The following SELENOF variants were observed in gnomAD, a reference collection of about 807,000 sequenced individuals.
SELENOF encodes 15 kDa selenoprotein.
Under a neutral mutation model 20.5 loss-of-function variants are expected in SELENOF, and 16 were observed. The ratio of observed to expected loss-of-function variants is 0.78; its 90% CI spans 0.53 to 1.19. The LOEUF (loss-of-function observed/expected upper bound fraction) is 1.19, where lower values mean the gene tolerates loss of function less well. Ranked by LOEUF, SELENOF falls within the 50% of genes most tolerant of loss-of-function variation. The pLI is 0.00. For synonymous variants in SELENOF, 78 were observed against 74.5 expected, an observed-to-expected ratio of 1.05 and a Z score of -0.24; for missense variants, 215 against 194.2, an observed-to-expected ratio of 1.11 and a Z score of -0.64.
Position 86,863,030 on chromosome 1 carries a change from G to C in SELENOF, c.*444C>G, listed in dbSNP as rs1468620750. 2 of 153,154 alleles carry C rather than the reference G, an allele frequency of 1.3e-5. No homozygotes were observed. The highest frequency in any genetic ancestry group is 1.3e-4 in the Admixed American group (2 of 15,306). 9.5% of individuals were successfully genotyped at this position (153,154 alleles called of 1,614,324 possible). Reference sequence around the variant, plus strand: ...GTAATACAAAAATAGGAGAGACTCTGAGGAGCAGGCAATCTGTTGAGGCTC... The same window carrying C: ...GTAATACAAAAATAGGAGAGACTCTCAGGAGCAGGCAATCTGTTGAGGCTC... On this transcript the variant is annotated 3_prime_UTR_variant, in exon 5 of 5. Transcript: ENST00000331835.
chr1:86,895,455 G>C (rs545068762), intron 2 of SELENOF, among the ~76,000 whole-genome samples: 1 of 152,160 alleles, frequency 6.6e-6, no homozygotes, highest in Non-Finnish European at 1.5e-5. Flanking sequence ...ATTTTAAGCA[G>C]TGCATGCATA....
chr1:86,871,679 T>G (rs1037081607), intron 3 of SELENOF, among the ~76,000 whole-genome samples: 1 of 152,168 alleles, frequency 6.6e-6, no homozygotes, highest in African/African-American at 2.4e-5. Context: ...TGTATTTAAT[T>G]TCTCAATGTA....
chr1:86,907,986 C>CA (rs1415012719), intron 1 of SELENOF, among the ~76,000 whole-genome samples: 115 of 106,238 alleles, frequency 1.1e-3, no homozygotes, highest in East Asian at 2.0e-3. Flanking sequence ...ATCGCCATCT[C>CA]AAAAAAAAAA....
intron 2 of SELENOF, among the ~76,000 whole-genome samples, chr1:86,898,252 G>A (rs560930495): frequency 1.3e-5 from 2 of 152,272 alleles, no homozygotes; most frequent in Non-Finnish European, 2.9e-5. Context: ...TATTTGAGAC[G>A]CTGAGTAGGT....
intron 2 of SELENOF, among the ~76,000 whole-genome samples, chr1:86,893,103 C>A (rs1007944533): frequency 6.6e-6 from 1 of 152,086 alleles, no homozygotes; most frequent in Non-Finnish European, 1.5e-5. Flanking sequence ...GCAGATTATA[C>A]CCTAGTTTCC....
chr1:86,862,622 T>C lies in SELENOF; in HGVS notation c.*852A>G, dbSNP rs1389908748. On this transcript the variant is annotated 3_prime_UTR_variant, in exon 5 of 5. Transcript: ENST00000331835. ...TAAGTTTTAAATATTACAGCCATTT[T>C]TACATTTTGGCTAAAAAAAGGGCTT... is the stretch of plus-strand genomic sequence containing the variant. The C allele has an allele frequency of 6.6e-6, 1 of 152,178 alleles. No individual in the cohort carries two copies. The highest frequency in any genetic ancestry group is 2.1e-4 in the South Asian group (1 of 4,826). The allele number at this position is 152,178 out of a possible 1,614,324, so 9.4% of individuals were successfully genotyped here.
chr1:86,876,949 T>C (rs1658937177), intron 3 of SELENOF, among the ~76,000 whole-genome samples: 2 of 152,196 alleles, frequency 1.3e-5, no homozygotes, highest in African/African-American at 4.8e-5. Flanking sequence ...GAATATTGCA[T>C]ATGAGAAAGG....
chr1:86,880,308 G>C (rs909010667), intron 3 of SELENOF, among the ~76,000 whole-genome samples: 1 of 151,936 alleles, frequency 6.6e-6, no homozygotes, highest in African/African-American at 2.4e-5. Flanking sequence ...GCTAATTTTT[G>C]TATTTTTAGT....
At chr1:86,889,516 C>T (rs1262657125) in intron 2 of SELENOF, among the ~76,000 whole-genome samples, 1 of 152,132 alleles carries the variant, frequency 6.6e-6, no homozygotes, top group Admixed American at 6.5e-5. Context: ...ATCACTTGAA[C>T]CTAGGAGGTG....
At chr1:86,866,532 T>C (rs1301671573) in intron 4 of SELENOF, among the ~76,000 whole-genome samples, 4 of 152,192 alleles carry the variant, frequency 2.6e-5, no homozygotes, top group East Asian at 1.9e-4. Flanking sequence ...GAAAAAGTTA[T>C]AGAGAACTGT....
intron 1 of SELENOF, among the ~76,000 whole-genome samples, chr1:86,904,991 C>G (rs1297232856): frequency 6.6e-6 from 1 of 152,178 alleles, no homozygotes; most frequent in Non-Finnish European, 1.5e-5. Context: ...AGCCAACAGT[C>G]CACTCAATAT....
chr1:86,878,722 AAGTT>A (rs1233503982), intron 3 of SELENOF, among the ~76,000 whole-genome samples: 1 of 152,120 alleles, frequency 6.6e-6, no homozygotes, highest in Admixed American at 6.6e-5. Context: ...GAAGACATGA[AAGTT>A]AGTTTGGTAT....
intron 1 of SELENOF, 132 bp downstream of exon 1, chr1:86,913,896 T>C: frequency 1.2e-6 from 1 of 804,406 alleles, no homozygotes; most frequent in Non-Finnish European, 2.1e-6. Context: ...CCACGTTGCA[T>C]TCTGGCCGCA....
intron 2 of SELENOF, among the ~76,000 whole-genome samples, chr1:86,899,802 C>G (rs1266804407): frequency 6.9e-6 from 1 of 145,766 alleles, no homozygotes; most frequent in Non-Finnish European, 1.5e-5. Flanking sequence ...GGGGCGGCTG[C>G]CGGGCGGAGG....
intron 4 of SELENOF, among the ~76,000 whole-genome samples, chr1:86,867,696 T>C (rs1438225029): frequency 6.6e-6 from 1 of 150,820 alleles, no homozygotes; most frequent in Non-Finnish European, 1.5e-5. Context: ...AAAGAATGAA[T>C]GCTAATGCGA....
At chr1:86,902,266 G>A (rs893612746) in intron 2 of SELENOF, among the ~76,000 whole-genome samples, 10 of 152,150 alleles carry the variant, frequency 6.6e-5, no homozygotes, top group Non-Finnish European at 1.5e-4. Context: ...AACCAGTAAA[G>A]TGAAAAACAT....
intron 2 of SELENOF, among the ~76,000 whole-genome samples, chr1:86,895,364 A>G (rs1430675267): frequency 6.6e-6 from 1 of 152,222 alleles, no homozygotes; most frequent in Non-Finnish European, 1.5e-5. Flanking sequence ...AAACCAGATT[A>G]CTACTACTAC....
chr1:86,868,976 T>G (rs1315167239), intron 3 of SELENOF, among the ~76,000 whole-genome samples: 1 of 152,160 alleles, frequency 6.6e-6, no homozygotes, highest in African/African-American at 2.4e-5. Context: ...TGTACAAATA[T>G]ACAAATGGTC....
intron 2 of SELENOF, among the ~76,000 whole-genome samples, chr1:86,891,526 A>G (rs1326099372): frequency 6.6e-6 from 1 of 152,180 alleles, no homozygotes. Flanking sequence ...TTTCGTTTTG[A>G]GCATTGCAGT....
Sources: allele counts gnomAD v4.1 joint callset (sites outside exome capture counted in the v4.1 genomes callset), GRCh38; gene constraint gnomAD v4.1.1; transcripts MANE v1.5; gene names NCBI Gene and HGNC (gene_info 2026-07-23, HGNC 2026-07-21).